The following SLC24A2 variants were observed in gnomAD, a reference collection of about 807,000 sequenced individuals.
SLC24A2 encodes solute carrier family 24 member 2, also known as sodium/potassium/calcium exchanger 2.
Under a neutral mutation model 62.0 loss-of-function variants are expected in SLC24A2, and 36 were observed. The observed-to-expected ratio is 0.58, with a 90% CI of 0.44 to 0.77. SLC24A2 has a LOEUF of 0.77. SLC24A2 is among the 30% of genes least tolerant of loss of function. The pLI, the probability that SLC24A2 is intolerant of heterozygous loss-of-function variation, is 0.00. For synonymous variants in SLC24A2, 358 were observed against 294.0 expected (o/e 1.22, Z -2.23); for missense variants, 846 against 817.9 (o/e 1.03, Z -0.42).
chr9:19,697,414 G>A (rs926892192), intron 2 of SLC24A2, among the ~76,000 whole-genome samples: 4 of 151,980 alleles, frequency 2.6e-5, no homozygotes. Context: ...CTGCACATTC[G>A]GCATATGTAC....
intron 2 of SLC24A2, among the ~76,000 whole-genome samples, chr9:19,697,783 CATT>C (rs960834569): frequency 1.3e-5 from 2 of 152,090 alleles, no homozygotes; most frequent in African/African-American, 4.8e-5. Context: ...TCATTGACAT[CATT>C]AAGTACTCAT....
the SLC24A2 span, among the ~76,000 whole-genome samples, chr9:20,179,138 G>C: frequency 0.016 from 2,454 of 152,178 alleles, 70 homozygotes; most frequent in African/African-American, 0.056. Flanking sequence ...TGAAGGTTGG[G>C]GGCAGCTGGA....
At chr9:20,085,633 A>C in the SLC24A2 span, among the ~76,000 whole-genome samples, 1 of 152,222 alleles carries the variant, frequency 6.6e-6, no homozygotes, top group Non-Finnish European at 1.5e-5. Context: ...TCACCATCTC[A>C]CTGTTACAGC....
At chr9:20,066,060 T>C in the SLC24A2 span, among the ~76,000 whole-genome samples, 110 of 152,218 alleles carry the variant, frequency 7.2e-4, no homozygotes, top group Non-Finnish European at 1.3e-3. Flanking sequence ...GCCACCCACA[T>C]CATTTGTAAG....
chr9:19,588,838 G>C (rs184656512), intron 5 of SLC24A2, among the ~76,000 whole-genome samples: 256 of 152,266 alleles, frequency 1.7e-3, no homozygotes, highest in Middle Eastern at 6.8e-3. Flanking sequence ...GCGCCTGCCT[G>C]TAATCCCAGC....
chr9:19,680,605 C>CATATATATAT (rs3086327), intron 2 of SLC24A2, among the ~76,000 whole-genome samples: 11,082 of 147,382 alleles, frequency 0.075, 528 homozygotes, highest in South Asian at 0.13. Context: ...AGTTCTATAA[C>CATATATATAT]ATATATATAT....
chr9:20,086,548 T>C, the SLC24A2 span, among the ~76,000 whole-genome samples: 1 of 152,188 alleles, frequency 6.6e-6, no homozygotes, highest in African/African-American at 2.4e-5. Context: ...TCAAGAGAAG[T>C]GGATGTGCCC....
At chr9:20,078,383 C>A in the SLC24A2 span, among the ~76,000 whole-genome samples, 27 of 146,120 alleles carry the variant, frequency 1.8e-4, no homozygotes, top group African/African-American at 6.3e-4. Context: ...TCAGCTGAGA[C>A]TGCCCTACCC....
chr9:19,739,289 T>C (rs1182668), intron 2 of SLC24A2, among the ~76,000 whole-genome samples: 105,539 of 152,080 alleles, frequency 0.69, 36,812 homozygotes, highest in East Asian at 0.79. Flanking sequence ...CATTAAATTA[T>C]AGTTGAATGC....
intron 2 of SLC24A2, among the ~76,000 whole-genome samples, chr9:19,634,803 A>T (rs976225869): frequency 2.8e-4 from 42 of 152,338 alleles, no homozygotes; most frequent in African/African-American, 9.9e-4. Flanking sequence ...CATAATTTAA[A>T]AAATAAGTGA....
At chr9:20,297,985 A>G in the SLC24A2 span, among the ~76,000 whole-genome samples, 4 of 152,092 alleles carry the variant, frequency 2.6e-5, no homozygotes, top group African/African-American at 9.7e-5. Context: ...CTTGCCTTGC[A>G]TGCTCCCACT....
chr9:20,111,631 C>A, the SLC24A2 span, among the ~76,000 whole-genome samples: 2 of 152,052 alleles, frequency 1.3e-5, no homozygotes, highest in Non-Finnish European at 1.5e-5. Flanking sequence ...CTCCTGGGCC[C>A]CTCCTAGACC....
chr9:19,557,389 T>C (rs1448241825), intron 7 of SLC24A2, among the ~76,000 whole-genome samples: 1 of 152,114 alleles, frequency 6.6e-6, no homozygotes, highest in Non-Finnish European at 1.5e-5. Context: ...TACAAAGCTT[T>C]GGGGAAGAAT....
At chr9:20,265,350 G>T in the SLC24A2 span, among the ~76,000 whole-genome samples, 2 of 152,160 alleles carry the variant, frequency 1.3e-5, no homozygotes, top group Non-Finnish European at 2.9e-5. Context: ...CCCAAACGGA[G>T]GGACCAGCTG....
chr9:20,203,890 T>C, the SLC24A2 span, among the ~76,000 whole-genome samples: 2 of 152,196 alleles, frequency 1.3e-5, no homozygotes, highest in Non-Finnish European at 2.9e-5. Context: ...TTCAAACAAA[T>C]ATTCTTTGAG....
At chr9:19,919,217 G>A in the SLC24A2 span, among the ~76,000 whole-genome samples, 4 of 152,102 alleles carry the variant, frequency 2.6e-5, no homozygotes, top group Non-Finnish European at 5.9e-5. Flanking sequence ...GCTCCCGGGG[G>A]GTTCAGCTTA....
chr9:19,917,752 T>G, the SLC24A2 span, among the ~76,000 whole-genome samples: 1 of 152,164 alleles, frequency 6.6e-6, no homozygotes, highest in South Asian at 2.1e-4. Context: ...TTTCAGTAGA[T>G]GCTTTGGAGT....
chr9:20,163,318 G>A, the SLC24A2 span, among the ~76,000 whole-genome samples: 1 of 152,078 alleles, frequency 6.6e-6, no homozygotes, highest in Non-Finnish European at 1.5e-5. Context: ...AAAATCACAA[G>A]CATTCTTATA....
the SLC24A2 span, among the ~76,000 whole-genome samples, chr9:19,829,924 T>C: frequency 6.6e-6 from 1 of 151,768 alleles, no homozygotes; most frequent in African/African-American, 2.4e-5. Flanking sequence ...GTTTGAGATT[T>C]TATTTTATTT....
Sources: gnomAD v4.1 joint callset for allele counts (sites outside exome capture counted in the v4.1 genomes callset) on GRCh38, gnomAD v4.1.1 for gene constraint, MANE v1.5 for transcripts, NCBI Gene and HGNC (gene_info 2026-07-23, HGNC 2026-07-21) for gene names.